ABCG1: variants seen among roughly 807,000 people sequenced by gnomAD.
ABCG1 encodes the protein ATP-binding cassette sub-family G member 1.
In ABCG1, 29 loss-of-function variants were observed where a neutral mutation model predicts 69.2. That is an observed-to-expected ratio of 0.42 (90% CI 0.31 to 0.57). The LOEUF (loss-of-function observed/expected upper bound fraction) is 0.57, where lower values mean the gene tolerates loss of function less well. ABCG1 is among the 20% of genes least tolerant of loss of function. The pLI is 0.15. For synonymous variants in ABCG1, 370 were observed against 374.8 expected (o/e 0.99, Z 0.15); for missense variants, 718 against 898.1 (o/e 0.80, Z 2.56).
chr21:42,273,477 TG>T lies in ABCG1; in HGVS notation c.537+43del, dbSNP rs763063408. On this transcript the variant is annotated intron_variant, in intron 4 of 14. Coordinates refer to ENST00000398449, the MANE Select transcript of ABCG1 (RefSeq NM_016818.3). This position sits in a 1 kb window ranked among gnomAD's most constrained non-coding sequence, Gnocchi z 5.3. ...CCCGCCCCACTCCGCCCCTGCCGCC[TG>T]TCCCCAGCGCCCACATTAGACACAG... is the stretch of plus-strand genomic sequence containing the variant. 16 of 1,562,558 alleles carry T rather than the reference TG, an allele frequency of 1.0e-5. 1 individual carries two copies. In the South Asian group the frequency reaches 1.8e-4, roughly 18 times the overall value.
At chr21:42,206,778 T>C (rs2067546103) in intron 2 of ABCG1, among the ~76,000 whole-genome samples, 1 of 152,202 alleles carries the variant, frequency 6.6e-6, no homozygotes, top group Non-Finnish European at 1.5e-5. Context: ...TATGTTTAAA[T>C]AACTTCATTT....
Position 42,219,150 on chromosome 21 carries a change from C to A in ABCG1, c.-113C>A. 9.8e-7 allele frequency: 1 copy of A among 1,015,856 alleles called. No individual in the cohort carries two copies. Among genetic ancestry groups the A allele is most frequent in the African/African-American group, 1.7e-5 (1 of 58,444 alleles). 62.9% of individuals were successfully genotyped at this position (1,015,856 alleles called of 1,614,324 possible). A position where few individuals can be genotyped will look rare whatever the true frequency, so the allele number is the denominator to read the frequency against. On this transcript the variant is annotated 5_prime_UTR_variant, in exon 1 of 15. Transcript: ENST00000398449. The surrounding 1 kb of genome is among the most constrained non-coding windows in gnomAD (Gnocchi z 5.3). ...AGCCGGATCCCAGCCGGAGCCCAAG[C>A]GCAGCCCGCACCCCGCGCAGCGGCT... is the stretch of plus-strand genomic sequence containing the variant.
chr21:42,262,214 G>A (rs1243722017), intron 2 of ABCG1, among the ~76,000 whole-genome samples: 4 of 152,172 alleles, frequency 2.6e-5, no homozygotes, highest in African/African-American at 9.7e-5. Flanking sequence ...CCTAGCAGAG[G>A]CTGCAAGGAG....
rs755253834 is a variant in ABCG1 at position 42,291,646 on chromosome 21, C to T, written c.1643C>T (p.Thr548Met). 8.1e-6 allele frequency: 13 copies of T among 1,602,270 alleles called. No individual in the cohort carries two copies. The African/African-American group carries it at 9.4e-5, about 12-fold the overall frequency. ...GGCCTGCTGATCGGAGCCGCCTCCA[C>T]GTCCCTGCAGGTGCCAGCCCAGGAG... ...SLGLLIGAAS[T>M]SLQVATFVGP... The change falls in exon 13 of 15, where the codon ACG (threonine) becomes ATG (methionine). Residue 548 changes from threonine to methionine, a missense_variant. Physicochemically the swap from Thr to Met is moderately conservative, Grantham distance 81. Around this residue, in one of 2 missense-constraint regions of ABCG1, gnomAD observed 204 missense variants for 323.8 expected, o/e 0.63. Transcript: ENST00000398449. The surrounding 1 kb of genome is among the most constrained non-coding windows in gnomAD (Gnocchi z 6.4).
Position 42,290,066 on chromosome 21 carries a change from G to A in ABCG1, c.1241G>A (p.Arg414His), listed in dbSNP as rs772426399. 5.0e-6 allele frequency: 8 copies of A among 1,614,080 alleles called. No homozygotes were observed. Among genetic ancestry groups the A allele is most frequent in the Non-Finnish European group, 6.8e-6 (8 of 1,180,044 alleles). ...TGTCCCCAGGTCCTGACACACCTGC[G>A]CATCACCTCGCACATTGGGATCGGC... ...IMRDSVLTHL[R>H]ITSHIGIGLL... Residue 414 changes from arginine (R) to histidine (H), a missense_variant, in exon 11 of 15, where the codon CGC (arginine) becomes CAC (histidine). Arg to His is a conservative substitution (Grantham distance 29). Coordinates refer to ENST00000398449, the MANE Select transcript of ABCG1 (RefSeq NM_016818.3).
chr21:42,294,444 C>T, intron 13 of ABCG1, 98 bp from the exon 14 acceptor site: 1 of 922,806 alleles, frequency 1.1e-6, no homozygotes, highest in Non-Finnish European at 1.8e-6. Flanking sequence ...AGAAGGTGCC[C>T]TGGCCCTGCC....
upstream of ABCG1, among the ~76,000 whole-genome samples, chr21:42,217,679 CTTTTTTTTTTTTTTTTTT>C (rs71190409): frequency 3.2e-5 from 2 of 61,638 alleles, no homozygotes; most frequent in East Asian, 6.2e-4. Context: ...TGGATCTACT[CTTTTTTTTTTTTTTTTTT>C]TTTTTTTTTT....
At chr21:42,205,595 C>T (rs1022047057) in intron 2 of ABCG1, among the ~76,000 whole-genome samples, 4 of 147,290 alleles carry the variant, frequency 2.7e-5, no homozygotes, top group Non-Finnish European at 1.5e-5. Context: ...AAGACTCCAT[C>T]TCAAAAAAAA....
chr21:42,290,768 G>A (rs1368486996), intron 11 of ABCG1, among the ~76,000 whole-genome samples: 3 of 152,304 alleles, frequency 2.0e-5, no homozygotes, highest in African/African-American at 7.2e-5. Flanking sequence ...TCACAGGAAG[G>A]CACCACGTTG....
At chr21:42,237,655 C>T (rs1173614159) in intron 2 of ABCG1, among the ~76,000 whole-genome samples, 1 of 152,238 alleles carries the variant, frequency 6.6e-6, no homozygotes. Context: ...GTAGAAGAGC[C>T]TATACTTTTA....
intron 2 of ABCG1, among the ~76,000 whole-genome samples, chr21:42,230,564 G>A (rs1483045678): frequency 6.6e-6 from 1 of 152,212 alleles, no homozygotes; most frequent in African/African-American, 2.4e-5. Flanking sequence ...AGAACATTTA[G>A]GAATGTGGTT....
chr21:42,241,834 AG>A (rs1197414214), intron 2 of ABCG1, among the ~76,000 whole-genome samples: 1 of 143,196 alleles, frequency 7.0e-6, no homozygotes, highest in African/African-American at 2.6e-5. Flanking sequence ...AAAAAAAAAA[AG>A]CCAGGCATGG....
At chr21:42,229,602 C>T (rs1191077788) in intron 2 of ABCG1, among the ~76,000 whole-genome samples, 1 of 152,156 alleles carries the variant, frequency 6.6e-6, no homozygotes, top group Non-Finnish European at 1.5e-5. Flanking sequence ...TGCCTGTAAT[C>T]CCAGCTACTC....
At position 42,291,191 on chromosome 21, in the gene ABCG1, AGGTGTGTTAGCCAG is replaced by A. The variant is rs759960984; in HGVS notation, c.1494+2_1494+15del. On this transcript the variant is annotated splice_donor_variant and splice_donor_5th_base_variant and coding_sequence_variant and intron_variant, in exon 12 of 15. Transcript: ENST00000398449. LOFTEE classifies it high-confidence loss of function. The surrounding 1 kb of genome is among the most constrained non-coding windows in gnomAD (Gnocchi z 6.4). ...AAGACCATGGCAGACGTGCCCTTTC[AGGTGTGTTAGCCAG>A]GGGCTGGAATTTGAAACGGGGGCAA... 1 of 1,611,628 alleles carries A rather than the reference AGGTGTGTTAGCCAG, an allele frequency of 6.2e-7. No individual in the cohort carries two copies. Among genetic ancestry groups the A allele is most frequent in the East Asian group, 2.2e-5 (1 of 44,872 alleles).
intron 2 of ABCG1, among the ~76,000 whole-genome samples, chr21:42,230,728 C>T (rs773811219): frequency 1.8e-4 from 27 of 152,214 alleles, no homozygotes; most frequent in Non-Finnish European, 3.4e-4. Context: ...CTTGGGTACT[C>T]GTACACTGCC....
intron 8 of ABCG1, 193 bp downstream of exon 8, chr21:42,286,187 T>C (rs2068937416): frequency 1.8e-6 from 1 of 550,410 alleles, no homozygotes. Context: ...TAAAATCATC[T>C]GGCCAGCCTG....
At chr21:42,240,441 A>G (rs141644928) in intron 2 of ABCG1, among the ~76,000 whole-genome samples, 31 of 152,330 alleles carry the variant, frequency 2.0e-4, no homozygotes, top group Admixed American at 1.6e-3. Flanking sequence ...CTTATGGCTT[A>G]AAAAGTTGTT....
In ABCG1 at chr21:42,296,762, C is replaced by A; in HGVS notation, c.*370C>A. On this transcript the variant is annotated 3_prime_UTR_variant, in exon 15 of 15. Transcript: ENST00000398449. This position sits in a 1 kb window ranked among gnomAD's most constrained non-coding sequence, Gnocchi z 5.4. The stretch of plus-strand genomic sequence containing the variant: ...GGCACCGTGGGTCCTGGATGGGGAA[C>A]TGCAAGCAGCCTCTCAGCTGATGGC... 3.6e-6 allele frequency: 1 copy of A among 275,378 alleles called. No individual in the cohort carries two copies. The highest frequency in any genetic ancestry group is 7.0e-6 in the Non-Finnish European group (1 of 142,058). The allele number at this position is 275,378 out of a possible 1,614,324, so 17.1% of individuals were successfully genotyped here. A position where few individuals can be genotyped will look rare whatever the true frequency, so the allele number is the denominator to read the frequency against.
Position 42,273,174 on chromosome 21 carries a change from C to G in ABCG1, c.405-129C>G. 7.5e-7 allele frequency: 1 copy of G among 1,330,332 alleles called. No individual in the cohort carries two copies. Among genetic ancestry groups the G allele is most frequent in the Non-Finnish European group, 1.0e-6 (1 of 978,488 alleles). The allele number at this position is 1,330,332 out of a possible 1,614,324, so 82.4% of individuals were successfully genotyped here. A position where few individuals can be genotyped will look rare whatever the true frequency, so the allele number is the denominator to read the frequency against. ...GTCCCTTTCTGCCCCTCGGGGTCCC[C>G]GTGGCCAGTGGTTCAGCTGGGAAGA... On this transcript the variant is annotated intron_variant, in intron 3 of 14. Transcript: ENST00000398449. This position sits in a 1 kb window ranked among gnomAD's most constrained non-coding sequence, Gnocchi z 5.3.
Sources: gnomAD v4.1 joint callset for allele counts (sites outside exome capture counted in the v4.1 genomes callset) on GRCh38, gnomAD v4.1.1 for gene constraint, gnomAD v4.1.1 regional missense constraint, Gnocchi (gnomAD v3.1) non-coding constraint, MANE v1.5 for transcripts, NCBI Gene and HGNC (gene_info 2026-07-23, HGNC 2026-07-21) for gene names.